The following LSAMP variants were observed in gnomAD, a reference collection of about 807,000 sequenced individuals.
The protein encoded by LSAMP is limbic system-associated membrane protein.
In LSAMP, 7 loss-of-function variants were observed where a neutral mutation model predicts 38.6. The observed-to-expected ratio is 0.18, with a 90% confidence interval of 0.10 to 0.34. The LOEUF is 0.34. Among genes scored for constraint, LSAMP ranks in the 10% least tolerant of loss-of-function variants. The pLI, the probability that LSAMP is intolerant of heterozygous loss-of-function variation, is 1.00. For missense variants in LSAMP, 313 were observed against 420.0 expected (o/e 0.75, Z 2.23); for synonymous variants, 154 against 166.8 (o/e 0.92, Z 0.59).
intron 1 of LSAMP, among the ~76,000 whole-genome samples, chr3:116,371,658 T>G (rs77305919): frequency 0.063 from 9,585 of 152,104 alleles, 418 homozygotes; most frequent in African/African-American, 0.13. Context: ...TCACTTCTAT[T>G]CAACATAATA....
intron 3 of LSAMP, among the ~76,000 whole-genome samples, chr3:115,973,098 G>A (rs950180924): frequency 6.6e-5 from 10 of 152,082 alleles, no homozygotes; most frequent in African/African-American, 2.4e-4. Flanking sequence ...TAGAAATATG[G>A]GACATCACCA....
intron 1 of LSAMP, among the ~76,000 whole-genome samples, chr3:116,162,535 ATAT>A: frequency 1.3e-5 from 2 of 152,226 alleles, no homozygotes; most frequent in East Asian, 3.9e-4. Context: ...GATCCTCCAC[ATAT>A]TATTTTTATA....
chr3:115,986,753 CAT>C (rs1267002205), intron 3 of LSAMP, among the ~76,000 whole-genome samples: 1 of 152,100 alleles, frequency 6.6e-6, no homozygotes, highest in African/African-American at 2.4e-5. Context: ...CAGCAACAAT[CAT>C]ATCTCACCAC....
intron 1 of LSAMP, among the ~76,000 whole-genome samples, chr3:116,310,483 C>T (rs1327042037): frequency 6.6e-6 from 1 of 152,186 alleles, no homozygotes; most frequent in African/African-American, 2.4e-5. Context: ...GAGGCACAGG[C>T]AACCTTTACC....
chr3:116,022,302 T>C (rs1234069100), intron 2 of LSAMP, among the ~76,000 whole-genome samples: 8 of 152,132 alleles, frequency 5.3e-5, no homozygotes, highest in Non-Finnish European at 1.0e-4. Context: ...GTGTCCCTTT[T>C]TTATTTTTAT....
At chr3:116,057,852 T>A (rs1167925214) in intron 2 of LSAMP, among the ~76,000 whole-genome samples, 1 of 151,894 alleles carries the variant, frequency 6.6e-6, no homozygotes. Flanking sequence ...TGCCATTGAA[T>A]CATTCACTCC....
At chr3:116,115,510 C>T (rs768645136) in intron 1 of LSAMP, among the ~76,000 whole-genome samples, 4 of 152,198 alleles carry the variant, frequency 2.6e-5, no homozygotes, top group Non-Finnish European at 5.9e-5. Flanking sequence ...TTACCTCTGT[C>T]CTGTGTTCAG....
chr3:116,124,030 T>C (rs1708951412), intron 1 of LSAMP, among the ~76,000 whole-genome samples: 1 of 152,178 alleles, frequency 6.6e-6, no homozygotes, highest in Non-Finnish European at 1.5e-5. Flanking sequence ...TCTTGTATGG[T>C]TGACTCTCTA....
chr3:116,197,751 A>C (rs1710926742), intron 1 of LSAMP, among the ~76,000 whole-genome samples: 1 of 152,110 alleles, frequency 6.6e-6, no homozygotes. Context: ...TATTTTACAG[A>C]TGTCTTTTCT....
At chr3:116,267,782 C>CCTAT (rs1373715919) in intron 1 of LSAMP, among the ~76,000 whole-genome samples, 12 of 152,190 alleles carry the variant, frequency 7.9e-5, no homozygotes, top group Admixed American at 3.9e-4. Flanking sequence ...ATTTCTTCTA[C>CCTAT]CTATCTATCT....
chr3:116,432,546 G>T (rs569706856), intron 1 of LSAMP, among the ~76,000 whole-genome samples: 3 of 151,734 alleles, frequency 2.0e-5, no homozygotes, highest in Admixed American at 6.6e-5. Flanking sequence ...TCTATATTAT[G>T]ATATTTATAA....
intron 1 of LSAMP, among the ~76,000 whole-genome samples, chr3:116,220,335 T>G (rs1325901570): frequency 2.2e-5 from 3 of 135,250 alleles, no homozygotes; most frequent in African/African-American, 5.6e-5. Flanking sequence ...CCATTTTGCC[T>G]TGTCATTTGC....
chr3:116,216,282 G>A (rs571685512), intron 1 of LSAMP, among the ~76,000 whole-genome samples: 1 of 151,952 alleles, frequency 6.6e-6, no homozygotes, highest in Admixed American at 6.6e-5. Context: ...CAGACCCATC[G>A]CTGTCTGGAC....
intron 3 of LSAMP, among the ~76,000 whole-genome samples, chr3:115,898,909 CTT>C (rs1936799442): frequency 1.3e-5 from 2 of 152,086 alleles, no homozygotes; most frequent in African/African-American, 2.4e-5. Flanking sequence ...AGCATGCACA[CTT>C]AAGTCTGGGT....
Position 116,213,010 on chromosome 3 carries a change from T to A in LSAMP, c.156-126454A>T, listed in dbSNP as rs971923329. Among the ~76,000 whole-genome samples, 7 of 152,372 alleles carry A rather than the reference T, an allele frequency of 4.6e-5. No homozygotes were observed. The East Asian group carries it at 1.3e-3, about 29-fold the overall frequency. ...GATTTTGCAATGGGTCACTTTGTAC[T>A]GTGTGCATTTTTTAAACTATATTCA... On this transcript the variant is annotated intron_variant, in intron 1 of 6. Transcript: ENST00000490035.
At chr3:116,304,037 G>A (rs748533100) in intron 1 of LSAMP, among the ~76,000 whole-genome samples, 1 of 152,076 alleles carries the variant, frequency 6.6e-6, no homozygotes, top group Admixed American at 6.6e-5. Flanking sequence ...GTTACTGAAC[G>A]TGACATGGTT....
intron 3 of LSAMP, among the ~76,000 whole-genome samples, chr3:115,869,923 A>G (rs527865701): frequency 1.3e-5 from 2 of 152,100 alleles, no homozygotes; most frequent in Non-Finnish European, 2.9e-5. Context: ...GGGAACCAGG[A>G]GCATTATAGA....
intron 1 of LSAMP, among the ~76,000 whole-genome samples, chr3:116,233,605 C>T (rs1203559981): frequency 6.6e-6 from 1 of 151,874 alleles, no homozygotes; most frequent in African/African-American, 2.4e-5. Flanking sequence ...ATTAACCAAC[C>T]GCTCTTTATC....
intron 3 of LSAMP, among the ~76,000 whole-genome samples, chr3:115,913,588 G>A (rs115337465): frequency 1.4e-4 from 21 of 152,276 alleles, no homozygotes; most frequent in Middle Eastern, 3.4e-3. Context: ...AAAATGCCCC[G>A]GAAATGCCTT....
Sources: allele counts gnomAD v4.1 joint callset (sites outside exome capture counted in the v4.1 genomes callset), GRCh38; gene constraint gnomAD v4.1.1; transcripts MANE v1.5; gene names NCBI Gene and HGNC (gene_info 2026-07-23, HGNC 2026-07-21).